Variants in PRKDC observed in about 807,000 individuals in gnomAD.
PRKDC encodes the protein protein kinase, DNA-activated, catalytic subunit, also known as DNA-dependent protein kinase catalytic subunit.
Under a neutral mutation model 486.9 loss-of-function variants are expected in PRKDC, and 82 were observed. That is an observed-to-expected ratio of 0.17 (90% confidence interval 0.14 to 0.20). The LOEUF (loss-of-function observed/expected upper bound fraction) is 0.20, where lower values mean the gene tolerates loss of function less well. Ranked by LOEUF, PRKDC falls within the 10% of genes least tolerant of loss-of-function variation. The pLI is 1.00. For synonymous variants in PRKDC, 1,895 were observed against 1,837.0 expected, an observed-to-expected ratio of 1.03 and a Z score of -0.81; for missense variants, 4,504 against 5,038.2, an observed-to-expected ratio of 0.89 and a Z score of 3.21.
intron 40 of PRKDC, among the ~76,000 whole-genome samples, chr8:47,866,210 C>CG (rs1201740030): frequency 4.6e-5 from 7 of 150,818 alleles, no homozygotes; most frequent in Non-Finnish European, 5.9e-5. Flanking sequence ...GCCCCTTCTA[C>CG]CATGGATGAC....
chr8:47,900,577 T>C lies in PRKDC; in HGVS notation c.3270-110A>G, dbSNP rs16931852. 0.019 allele frequency: 19,610 copies of C among 1,014,146 alleles called. 268 individuals are homozygous for C. Among genetic ancestry groups the C allele is most frequent in the East Asian group, 0.056 (1,935 of 34,382 alleles). The allele number at this position is 1,014,146 out of a possible 1,614,324, so 62.8% of individuals were successfully genotyped here. A position where few individuals can be genotyped will look rare whatever the true frequency, so the allele number is the denominator to read the frequency against. ...GCACACATTAATTAAATTTGTTTTT[T>C]GTGGCCGGGTGCGGTGGCTCACGCC... On this transcript the variant is annotated intron_variant, in intron 27 of 85. Coordinates refer to ENST00000314191, the MANE Select transcript of PRKDC (RefSeq NM_006904.7).
intron 5 of PRKDC, 129 bp downstream of exon 5, chr8:47,954,209 G>T (rs1200323453): frequency 2.1e-6 from 1 of 485,554 alleles, no homozygotes; most frequent in Non-Finnish European, 3.5e-6. Context: ...TTCCATTTTG[G>T]TTTATTTTCA....
At chr8:47,845,975 A>G (rs554828604) in intron 54 of PRKDC, among the ~76,000 whole-genome samples, 1 of 152,226 alleles carries the variant, frequency 6.6e-6, no homozygotes, top group Non-Finnish European at 1.5e-5. Context: ...CTAAAAGTCA[A>G]TGCGTGACAA....
chr8:47,940,452 C>T (rs930479490), intron 10 of PRKDC, among the ~76,000 whole-genome samples: 11 of 152,160 alleles, frequency 7.2e-5, no homozygotes, highest in African/African-American at 2.4e-4. Context: ...ATCCACCTTC[C>T]ACTGCCAACT....
At position 47,778,895 on chromosome 8, in the gene PRKDC, C is replaced by G. The variant is rs8178246; in HGVS notation, c.11580-96G>C. Reference sequence around the variant, plus strand: ...TTTGTTTATATTGAGACTCAAATATCGAATAATCTTGATGATCTCTCTGAG... The same window carrying G: ...TTTGTTTATATTGAGACTCAAATATGGAATAATCTTGATGATCTCTCTGAG... On this transcript the variant is annotated intron_variant, in intron 81 of 85. Coordinates refer to ENST00000314191, the MANE Select transcript of PRKDC (RefSeq NM_006904.7). The G allele has an allele frequency of 2.7e-4, 388 of 1,455,606 alleles. 1 individual carries two copies. The African/African-American group carries it at 5.0e-3, about 19-fold the overall frequency. The allele number at this position is 1,455,606 out of a possible 1,614,324, so 90.2% of individuals were successfully genotyped here.
chr8:47,957,687 TG>T (rs1162532167), intron 1 of PRKDC, among the ~76,000 whole-genome samples: 6 of 152,094 alleles, frequency 3.9e-5, no homozygotes, highest in African/African-American at 9.7e-5. Context: ...ATTTTTTTTT[TG>T]TATTTTTAGT....
rs1273409117 is a variant in PRKDC at position 47,960,045 on chromosome 8, C to A, written c.82G>T (p.Ala28Ser). The A allele has an allele frequency of 2.0e-6, 3 of 1,533,286 alleles. No individual in the cohort carries two copies. Among genetic ancestry groups the A allele is most frequent in the African/African-American group, 2.7e-5 (2 of 72,816 alleles). 95.0% of individuals were successfully genotyped at this position (1,533,286 alleles called of 1,614,324 possible). A position where few individuals can be genotyped will look rare whatever the true frequency, so the allele number is the denominator to read the frequency against. The stretch of plus-strand genomic sequence containing the variant: ...CGGATCAGTTGATGACCGGCCAGGG[C>A]AGCACCGCAGCGGTCCGCAGCGGAC... ...TLSAADRCGA[A>S]LAGHQLIRGL... The change falls in exon 1 of 86, where the codon GCC becomes TCC. Residue 28 changes from alanine to serine, a missense_variant. By Grantham distance (99) the Ala-to-Ser change is moderately conservative (BLOSUM62 1). This residue lies in a region of PRKDC where 145 missense variants were observed against 136.3 expected (regional missense o/e 1.06). Coordinates refer to ENST00000314191, the MANE Select transcript of PRKDC (RefSeq NM_006904.7).
chr8:47,841,959 GC>G (rs891859973), intron 54 of PRKDC, among the ~76,000 whole-genome samples: 67 of 152,316 alleles, frequency 4.4e-4, no homozygotes, highest in African/African-American at 1.5e-3. Context: ...CTCACCAGCT[GC>G]ACAACCACGA....
At chr8:47,794,008 C>G (rs556341828) in intron 74 of PRKDC, among the ~76,000 whole-genome samples, 2 of 152,284 alleles carry the variant, frequency 1.3e-5, no homozygotes, top group Admixed American at 1.3e-4. Flanking sequence ...ATTTCAGGAG[C>G]TGATTTCAAA....
At chr8:47,924,282 G>A (rs2090120769) in intron 21 of PRKDC, among the ~76,000 whole-genome samples, 1 of 152,092 alleles carries the variant, frequency 6.6e-6, no homozygotes, top group Admixed American at 6.6e-5. Context: ...TGTGGGTCTG[G>A]GCATGGTAGC....
At chr8:47,845,054 A>C (rs571056050) in intron 54 of PRKDC, among the ~76,000 whole-genome samples, 1 of 152,252 alleles carries the variant, frequency 6.6e-6, no homozygotes, top group South Asian at 2.1e-4. Context: ...GTCTCTACTT[A>C]AAATACAAAA....
chr8:47,783,008 T>A (rs866967945), intron 78 of PRKDC: 1 of 204,120 alleles, frequency 4.9e-6, no homozygotes, highest in African/African-American at 2.3e-5. Flanking sequence ...CCGGGAGCAG[T>A]GGCTTACGCC....
chr8:47,940,066 G>C (rs781333161), intron 10 of PRKDC: 1 of 157,716 alleles, frequency 6.3e-6, no homozygotes, highest in Non-Finnish European at 1.4e-5. Flanking sequence ...GCTGTCAGGG[G>C]ACCAGTGACT....
chr8:47,911,776 A>ATT (rs112004714), intron 25 of PRKDC, among the ~76,000 whole-genome samples: 1 of 146,950 alleles, frequency 6.8e-6, no homozygotes, highest in South Asian at 2.1e-4. Context: ...TTATTTATTT[A>ATT]TTTTTTTTTT....
Position 47,892,580 on chromosome 8 carries a change from C to T in PRKDC, c.3847+559G>A, listed in dbSNP as rs554070427. Among the ~76,000 whole-genome samples, 120 of 152,290 alleles carry T rather than the reference C, an allele frequency of 7.9e-4. 2 individuals are homozygous for T. The South Asian group carries it at 0.023, about 29-fold the overall frequency. On this transcript the variant is annotated intron_variant, in intron 31 of 85. Coordinates refer to ENST00000314191, the MANE Select transcript of PRKDC (RefSeq NM_006904.7). Reference sequence around the variant, plus strand: ...TCCTGGGCTCAAGTGGTCCTCCTGCCTCGGCTTCCCAAAGTGCTGGGATTA... The same window carrying T: ...TCCTGGGCTCAAGTGGTCCTCCTGCTTCGGCTTCCCAAAGTGCTGGGATTA...
intron 40 of PRKDC, among the ~76,000 whole-genome samples, chr8:47,866,439 T>A (rs2088818586): frequency 6.6e-6 from 1 of 152,104 alleles, no homozygotes; most frequent in South Asian, 2.1e-4. Flanking sequence ...AGCTTTCCAC[T>A]AGCAAGCACA....
In PRKDC at chr8:47,888,481, A is replaced by C. The variant is rs1004276551; in HGVS notation, c.4413+37T>G. On this transcript the variant is annotated intron_variant, in intron 34 of 85. Coordinates refer to ENST00000314191, the MANE Select transcript of PRKDC (RefSeq NM_006904.7). ...ATAAATACACTAATTATCATACTAA[A>C]GCTAAAATAAATGTAAAAACAATAA... 4 of 1,469,400 alleles carry C rather than the reference A, an allele frequency of 2.7e-6. 1 individual carries two copies. The East Asian group carries it at 1.0e-4, about 37-fold the overall frequency. 91.0% of individuals were successfully genotyped at this position (1,469,400 alleles called of 1,614,324 possible).
chr8:47,815,423 T>C (rs960106408), intron 68 of PRKDC, among the ~76,000 whole-genome samples: 3 of 152,204 alleles, frequency 2.0e-5, no homozygotes, highest in African/African-American at 7.2e-5. Context: ...AAAAATTTTC[T>C]TCCAGTGCAT....
intron 16 of PRKDC, among the ~76,000 whole-genome samples, chr8:47,932,476 C>CA (rs1338709777): frequency 6.6e-6 from 1 of 152,170 alleles, no homozygotes; most frequent in East Asian, 1.9e-4. Context: ...CTCGGCCTCC[C>CA]AAAGTCCTGG....
Sources: allele counts gnomAD v4.1 joint callset (sites outside exome capture counted in the v4.1 genomes callset), GRCh38; gene constraint gnomAD v4.1.1; regional missense constraint gnomAD v4.1.1; transcripts MANE v1.5; gene names NCBI Gene and HGNC (gene_info 2026-07-23, HGNC 2026-07-21).